KLHL36: variants seen among roughly 807,000 people sequenced by gnomAD.
KLHL36 encodes the protein kelch-like protein 36.
Under a neutral mutation model 53.3 loss-of-function variants are expected in KLHL36, and 35 were observed. The observed-to-expected ratio is 0.66, with a 90% CI of 0.50 to 0.87. The LOEUF (loss-of-function observed/expected upper bound fraction) is 0.87, where lower values mean the gene tolerates loss of function less well. Ranked by LOEUF, KLHL36 falls within the 40% of genes least tolerant of loss-of-function variation. The pLI is 0.00. For missense variants in KLHL36, 864 were observed against 897.6 expected (o/e 0.96, Z 0.48); for synonymous variants, 472 against 398.9 (o/e 1.18, Z -2.18).
Position 84,664,709 on chromosome 16 carries a change from G to A in KLHL36, c.*2576G>A, listed in dbSNP as rs1907745082. 6.6e-6 allele frequency: 1 copy of A among 152,250 alleles called. No individual in the cohort carries two copies. The highest frequency in any genetic ancestry group is 2.4e-5 in the African/African-American group (1 of 41,454). 9.4% of individuals were successfully genotyped at this position (152,250 alleles called of 1,614,324 possible). On this transcript the variant is annotated 3_prime_UTR_variant, in exon 5 of 5. Transcript: ENST00000564996. ...AAGGTTTTTGAGCTTGTTGGGGTCA[G>A]TGGATGGGCACAAGGGCACCCAGTG...
rs1858797278 is a variant in KLHL36 at position 84,663,785 on chromosome 16, A to T, written c.*1652A>T. Reference sequence around the variant, plus strand: ...GCTGCCCCTCCTTTCCCTTCCCTTCAGGGTTTACTGTGGTTCTCACTGGTC... The same window carrying T: ...GCTGCCCCTCCTTTCCCTTCCCTTCTGGGTTTACTGTGGTTCTCACTGGTC... On this transcript the variant is annotated 3_prime_UTR_variant, in exon 5 of 5. Coordinates refer to ENST00000564996, the MANE Select transcript of KLHL36 (RefSeq NM_024731.4). 1 of 152,180 alleles carries T rather than the reference A, an allele frequency of 6.6e-6. No individual in the cohort carries two copies. The highest frequency in any genetic ancestry group is 2.1e-4 in the South Asian group (1 of 4,824). The allele number at this position is 152,180 out of a possible 1,614,324, so 9.4% of individuals were successfully genotyped here.
In KLHL36 at chr16:84,650,906, A is replaced by G. The variant is rs772473501; in HGVS notation, c.39A>G (p.Pro13=). 15 of 1,611,874 alleles carry G rather than the reference A, an allele frequency of 9.3e-6. No individual in the cohort carries two copies. The Admixed American group carries it at 1.7e-4, about 18-fold the overall frequency. Residue 13 remains proline, a synonymous_variant, in exon 2 of 5, where the codon CCA becomes CCG. Transcript: ENST00000564996. ...EGSRQTRVSR[P]YKISESSKVY... ...GCAGGCAGACGCGAGTGTCTCGGCCATACAAGATCAGCGAATCATCAAAGG... is the reference window on the plus strand; with the variant it reads ...GCAGGCAGACGCGAGTGTCTCGGCCGTACAAGATCAGCGAATCATCAAAGG...
chr16:84,655,187 G>A (rs536286731), intron 2 of KLHL36, among the ~76,000 whole-genome samples: 38 of 152,214 alleles, frequency 2.5e-4, no homozygotes, highest in Non-Finnish European at 3.7e-4. Context: ...CACAGGCTGT[G>A]AGAATGTGGC....
At chr16:84,652,999 C>T (rs370406211) in intron 2 of KLHL36, among the ~76,000 whole-genome samples, 2 of 152,110 alleles carry the variant, frequency 1.3e-5, no homozygotes, top group African/African-American at 2.4e-5. Context: ...GGGAGGATCT[C>T]GTAAGCTCGG....
chr16:84,661,757 G>C lies in KLHL36; in HGVS notation c.1475G>C (p.Gly492Ala). Reference protein sequence around the residue: ...ARGWHSMCSLGDSIYSIGGSD... With the variant: ...ARGWHSMCSLADSIYSIGGSD... ...GGCTGGCACAGCATGTGCAGCCTGGGTGACAGCATCTACTCCATCGGGGGC... is the reference window on the plus strand; with the variant it reads ...GGCTGGCACAGCATGTGCAGCCTGGCTGACAGCATCTACTCCATCGGGGGC... The change falls in exon 5 of 5, where the codon GGT becomes GCT. Residue 492 changes from glycine to alanine, a missense_variant. Coordinates refer to ENST00000564996, the MANE Select transcript of KLHL36 (RefSeq NM_024731.4). The surrounding 1 kb of genome is among the most constrained non-coding windows in gnomAD (Gnocchi z 7.9). The C allele has an allele frequency of 1.2e-6, 2 of 1,613,474 alleles. No homozygotes were observed. The highest frequency in any genetic ancestry group is 1.7e-6 in the Non-Finnish European group (2 of 1,179,888).
In KLHL36 at chr16:84,657,871, C is replaced by T. The variant is rs755921577; in HGVS notation, c.1064C>T (p.Ser355Leu). The T allele has an allele frequency of 2.5e-6, 4 of 1,586,802 alleles. No individual in the cohort carries two copies. Among genetic ancestry groups the T allele is most frequent in the South Asian group, 1.1e-5 (1 of 88,304 alleles). Residue 355 changes from serine to leucine, a missense_variant, in exon 3 of 5, where the codon TCA becomes TTA. By Grantham distance (145) the Ser-to-Leu change is moderately radical (BLOSUM62 -2). Transcript: ENST00000564996. ...GFIFIAGGSF[S>L]RDNGGDAASN... ...ATCTTCATCGCCGGCGGCAGCTTCT[C>T]ACGGGACAACGGAGGGGATGCGGCC...
Position 84,648,539 on chromosome 16 carries a change from T to C in KLHL36, c.-127T>C, listed in dbSNP as rs1906586148. 2 of 146,190 alleles carry C rather than the reference T, an allele frequency of 1.4e-5. No homozygotes were observed. Among genetic ancestry groups the C allele is most frequent in the Non-Finnish European group, 3.0e-5 (2 of 65,576 alleles). The allele number at this position is 146,190 out of a possible 1,614,324, so 9.1% of individuals were successfully genotyped here. A position where few individuals can be genotyped will look rare whatever the true frequency, so the allele number is the denominator to read the frequency against. On this transcript the variant is annotated 5_prime_UTR_variant, in exon 1 of 5. The change abolishes an upstream ATG in the 5' untranslated region. Transcript: ENST00000564996. This position sits in a 1 kb window ranked among gnomAD's most constrained non-coding sequence, Gnocchi z 4.9. The stretch of plus-strand genomic sequence containing the variant: ...GGCCTCGCACTTCCTGGCGGAGCCA[T>C]GGCTGCGCAGCGGGCTGGCCGGGGG...
Position 84,661,690 on chromosome 16 carries a change from A to C in KLHL36, c.1408A>C (p.Thr470Pro). Reference protein sequence around the residue: ...RKNLLCYDHRTDVWEERRPMT... With the variant: ...RKNLLCYDHRPDVWEERRPMT... ...GAACCTGCTATGCTACGACCACCGG[A>C]CAGACGTGTGGGAGGAGCGGCGGCC... The change falls in exon 5 of 5, where the codon ACA becomes CCA. Residue 470 changes from threonine (T) to proline (P), a missense_variant. Thr to Pro is a conservative substitution (Grantham distance 38). Transcript: ENST00000564996. The surrounding 1 kb of genome is among the most constrained non-coding windows in gnomAD (Gnocchi z 7.9). 6.2e-7 allele frequency: 1 copy of C among 1,613,662 alleles called. No individual in the cohort carries two copies. Among genetic ancestry groups the C allele is most frequent in the Non-Finnish European group, 8.5e-7 (1 of 1,179,974 alleles).
Position 84,657,620 on chromosome 16 carries a change from G to T in KLHL36, c.813G>T (p.Val271=), listed in dbSNP as rs759089375. ...GCGAGGGCTTCATCGAGGAGGCCGT[G>T]CGCTACCACAACAACCTGGCGGCCC... The part of the protein sequence containing the change: ...ANCEGFIEEA[V]RYHNNLAAQP... The change falls in exon 3 of 5, where the codon GTG becomes GTT. Residue 271 remains valine, a synonymous_variant. Transcript: ENST00000564996. 1 of 1,611,600 alleles carries T rather than the reference G, an allele frequency of 6.2e-7. No individual in the cohort carries two copies.
At position 84,663,959 on chromosome 16, in the gene KLHL36, A is replaced by C. The variant is rs1168028701; in HGVS notation, c.*1826A>C. 6.6e-6 allele frequency: 1 copy of C among 152,176 alleles called. No individual in the cohort carries two copies. Among genetic ancestry groups the C allele is most frequent in the Non-Finnish European group, 1.5e-5 (1 of 68,024 alleles). The allele number at this position is 152,176 out of a possible 1,614,324, so 9.4% of individuals were successfully genotyped here. ...CATGTGAAGTCCCTGGAGGCTTACAAACTGTTGAGAGGTTCTGCGAGGCAT... is the reference window on the plus strand; with the variant it reads ...CATGTGAAGTCCCTGGAGGCTTACACACTGTTGAGAGGTTCTGCGAGGCAT... On this transcript the variant is annotated 3_prime_UTR_variant, in exon 5 of 5. Transcript: ENST00000564996.
intron 2 of KLHL36, among the ~76,000 whole-genome samples, chr16:84,652,038 G>C (rs1183830301): frequency 1.3e-5 from 2 of 152,182 alleles, no homozygotes; most frequent in Non-Finnish European, 2.9e-5. Context: ...GTTCTCACGT[G>C]AGTTCCCCAA....
intron 3 of KLHL36, chr16:84,659,081 A>T (rs560064588): frequency 6.6e-6 from 1 of 152,290 alleles, no homozygotes; most frequent in African/African-American, 2.4e-5. Context: ...GGCTAATTGC[A>T]ACCTCTGCCT....
Position 84,663,827 on chromosome 16 carries a change from C to G in KLHL36, c.*1694C>G, listed in dbSNP as rs1186918562. 1 of 152,210 alleles carries G rather than the reference C, an allele frequency of 6.6e-6. No homozygotes were observed. The highest frequency in any genetic ancestry group is 1.5e-5 in the Non-Finnish European group (1 of 68,044). The allele number at this position is 152,210 out of a possible 1,614,324, so 9.4% of individuals were successfully genotyped here. A position where few individuals can be genotyped will look rare whatever the true frequency, so the allele number is the denominator to read the frequency against. On this transcript the variant is annotated 3_prime_UTR_variant, in exon 5 of 5. Coordinates refer to ENST00000564996, the MANE Select transcript of KLHL36 (RefSeq NM_024731.4). Reference sequence around the variant, plus strand: ...TCACTGGTCTGTTTATGTAGCCATCCAGAAGAGATGAGAGCATTTTGGGGA... The same window carrying G: ...TCACTGGTCTGTTTATGTAGCCATCGAGAAGAGATGAGAGCATTTTGGGGA...
chr16:84,651,097 A>T (rs1372361598), intron 2 of KLHL36, among the ~76,000 whole-genome samples, 167 bp downstream of exon 2: 1 of 152,158 alleles, frequency 6.6e-6, no homozygotes, highest in Non-Finnish European at 1.5e-5. Context: ...TTGTCATAAA[A>T]TCAGACAGTG....
intron 3 of KLHL36, 24 bp from the exon 4 acceptor site, chr16:84,659,736 G>T (rs1465793092): frequency 1.9e-6 from 3 of 1,609,420 alleles, no homozygotes; most frequent in Non-Finnish European, 8.5e-7. Flanking sequence ...GGGAAGGGAA[G>T]GTACAGGTAT....
chr16:84,653,690 AT>A (rs1470867459), intron 2 of KLHL36, among the ~76,000 whole-genome samples: 1 of 152,000 alleles, frequency 6.6e-6, no homozygotes. Context: ...AAAAGACAAA[AT>A]TAGCTGGGCA....
In KLHL36 at chr16:84,648,926, CCT is replaced by C. The variant is rs1427290171; in HGVS notation, c.-17+279_-17+280del. The C allele has an allele frequency of 6.6e-6, 1 of 152,452 alleles. No individual in the cohort carries two copies. Among genetic ancestry groups the C allele is most frequent in the East Asian group, 1.9e-4 (1 of 5,186 alleles). The allele number at this position is 152,452 out of a possible 1,614,324, so 9.4% of individuals were successfully genotyped here. ...GCCCCGGGCCGTCCCGACTCCGCCTCCTCGCCGCCGGCTGGAGCCTGCTGGGC... is the reference window on the plus strand; with the variant it reads ...GCCCCGGGCCGTCCCGACTCCGCCTCCGCCGCCGGCTGGAGCCTGCTGGGC... On this transcript the variant is annotated intron_variant, in intron 1 of 4. Transcript: ENST00000564996. This position sits in a 1 kb window ranked among gnomAD's most constrained non-coding sequence, Gnocchi z 4.9.
At position 84,657,365 on chromosome 16, in the gene KLHL36, G is replaced by C; in HGVS notation, c.558G>C (p.Gln186His). 6.2e-7 allele frequency: 1 copy of C among 1,611,420 alleles called. No individual in the cohort carries two copies. The highest frequency in any genetic ancestry group is 8.5e-7 in the Non-Finnish European group (1 of 1,180,026). ...GTLSFTPDFL[Q>H]NVSMQKLCVY... Reference sequence around the variant, plus strand: ...TGTCCTTTACGCCCGACTTCCTGCAGAACGTCTCCATGCAGAAGCTGTGTG... The same window carrying C: ...TGTCCTTTACGCCCGACTTCCTGCACAACGTCTCCATGCAGAAGCTGTGTG... Residue 186 changes from glutamine (Q) to histidine (H), a missense_variant, in exon 3 of 5, where the codon CAG becomes CAC. Transcript: ENST00000564996.
rs1906831196 is a variant in KLHL36 at position 84,650,880 on chromosome 16, A to G, written c.13A>G (p.Ser5Gly). The change falls in exon 2 of 5, where the codon AGC (serine) becomes GGC (glycine). Residue 5 changes from serine (S) to glycine (G), a missense_variant. Ser to Gly is a moderately conservative substitution (Grantham distance 56). Transcript: ENST00000564996. ...TGAAATCTCTTTAATGATGGAGGGA[A>G]GCAGGCAGACGCGAGTGTCTCGGCC... is the stretch of plus-strand genomic sequence containing the variant. MMEG[S>G]RQTRVSRPYK... 1 of 1,612,036 alleles carries G rather than the reference A, an allele frequency of 6.2e-7. No individual in the cohort carries two copies. The highest frequency in any genetic ancestry group is 8.5e-7 in the Non-Finnish European group (1 of 1,179,508).
Sources: gnomAD v4.1 joint callset for allele counts (sites outside exome capture counted in the v4.1 genomes callset) on GRCh38, gnomAD v4.1.1 for gene constraint, Gnocchi (gnomAD v3.1) non-coding constraint, MANE v1.5 for transcripts, NCBI Gene and HGNC (gene_info 2026-07-23, HGNC 2026-07-21) for gene names.